CPNE2: variants seen among roughly 807,000 people sequenced by gnomAD.
The protein encoded by CPNE2 is copine 2.
A neutral mutation model predicts 69.7 loss-of-function variants in CPNE2; 42 were observed. The ratio of observed to expected loss-of-function variants is 0.60; its 90% confidence interval spans 0.47 to 0.78. CPNE2 has a LOEUF of 0.78. Ranked by LOEUF, CPNE2 falls within the 30% of genes least tolerant of loss-of-function variation. The probability of loss-of-function intolerance (pLI) is 0.00; values close to 1 mark genes in which losing one functional copy is unlikely to be tolerated. For synonymous variants in CPNE2, 294 were observed against 289.8 expected, an observed-to-expected ratio of 1.01 and a Z score of -0.15; for missense variants, 587 against 732.0, an observed-to-expected ratio of 0.80 and a Z score of 2.29.
At chr16:57,114,934 CAAAAAA>C (rs55845635) in intron 3 of CPNE2, among the ~76,000 whole-genome samples, 9 of 39,050 alleles carry the variant, frequency 2.3e-4, no homozygotes, top group East Asian at 2.1e-3. Flanking sequence ...TTGTCTCTAC[CAAAAAA>C]AAAAAAAAAA....
At chr16:57,139,059 G>C (rs169726) in intron 14 of CPNE2, among the ~76,000 whole-genome samples, 139,514 of 152,244 alleles carry the variant, frequency 0.92, 64,130 homozygotes, top group Middle Eastern at 0.98. Context: ...GTAATTCACA[G>C]AGAGCCGGTT....
intron 14 of CPNE2, among the ~76,000 whole-genome samples, chr16:57,139,392 C>T (rs2069905476): frequency 6.6e-6 from 1 of 152,114 alleles, no homozygotes; most frequent in Admixed American, 6.5e-5. Flanking sequence ...TAGTGACATC[C>T]CCAATTTGGG....
intron 12 of CPNE2, 131 bp from the exon 13 acceptor site, chr16:57,134,644 C>A: frequency 1.1e-6 from 1 of 913,614 alleles, no homozygotes; most frequent in South Asian, 1.4e-5. Flanking sequence ...GTATCAGTGG[C>A]CTAGAGGAGG....
In CPNE2 at chr16:57,117,476, C is replaced by T. The variant is rs745982960; in HGVS notation, c.436-20C>T. 1.7e-5 allele frequency: 28 copies of T among 1,610,346 alleles called. No individual in the cohort carries two copies. Among genetic ancestry groups the T allele is most frequent in the Middle Eastern group, 1.7e-4 (1 of 6,010 alleles). ...GAGGCTGGGGGAGTCTGAGGAGCCCCTCATGTCCCGGCCTTACAGATCGCT... is the reference window on the plus strand; with the variant it reads ...GAGGCTGGGGGAGTCTGAGGAGCCCTTCATGTCCCGGCCTTACAGATCGCT... On this transcript the variant is annotated intron_variant, in intron 4 of 15. Coordinates refer to ENST00000290776, the MANE Select transcript of CPNE2 (RefSeq NM_152727.6).
intron 12 of CPNE2, among the ~76,000 whole-genome samples, chr16:57,129,581 G>A (rs1442112955): frequency 1.3e-5 from 2 of 152,326 alleles, no homozygotes; most frequent in South Asian, 2.1e-4. Context: ...ACTTTGGGAC[G>A]CTGAGGCAGA....
intron 14 of CPNE2, among the ~76,000 whole-genome samples, chr16:57,145,416 CTG>C (rs774098592): frequency 5.3e-5 from 8 of 152,232 alleles, no homozygotes; most frequent in African/African-American, 9.6e-5. Flanking sequence ...GTGCTCAGTG[CTG>C]TGTTTGGGAT....
chr16:57,113,124 A>T, intron 2 of CPNE2, 164 bp from the exon 3 acceptor site: 1 of 643,102 alleles, frequency 1.6e-6, no homozygotes, highest in Non-Finnish European at 2.7e-6. Context: ...TCTGTGCTTC[A>T]GTGTCCTTGT....
At chr16:57,135,020 C>T (rs554257609) in intron 13 of CPNE2, among the ~76,000 whole-genome samples, 194 bp downstream of exon 13, 2 of 152,270 alleles carry the variant, frequency 1.3e-5, no homozygotes, top group South Asian at 4.1e-4. Flanking sequence ...CAGCTGCTGC[C>T]CTTCCTAGCT....
At position 57,092,767 on chromosome 16, in the gene CPNE2, G is replaced by A. The variant is rs1454309830; in HGVS notation, c.-59G>A. ...GGGCAGCGGCAGCCGTGCGGTGAGG[G>A]CGGTGGCGCCCGCGGGACCTGCGGT... On this transcript the variant is annotated 5_prime_UTR_variant, in exon 1 of 16. Transcript: ENST00000290776. The surrounding 1 kb of genome is among the most constrained non-coding windows in gnomAD (Gnocchi z 5.3). 6.6e-6 allele frequency: 1 copy of A among 151,396 alleles called. No individual in the cohort carries two copies. The highest frequency in any genetic ancestry group is 2.4e-5 in the African/African-American group (1 of 41,294). The allele number at this position is 151,396 out of a possible 1,614,324, so 9.4% of individuals were successfully genotyped here.
chr16:57,130,438 T>C lies in CPNE2; in HGVS notation c.1116+2535T>C, dbSNP rs2069829457. On this transcript the variant is annotated intron_variant, in intron 12 of 15. Transcript: ENST00000290776. This position sits in a 1 kb window ranked among gnomAD's most constrained non-coding sequence, Gnocchi z 4.1. ...AGAGCCAGGCAGATGAAGCGGAGAC[T>C]GAGCCCGGGGGCAGAGCAGGGAGGA... 6.6e-6 allele frequency among the ~76,000 whole-genome samples: 1 copy of C among 151,882 alleles called. No homozygotes were observed. The highest frequency in any genetic ancestry group is 2.4e-5 in the African/African-American group (1 of 41,330).
At chr16:57,127,648 G>T (rs2069809843) in intron 11 of CPNE2, among the ~76,000 whole-genome samples, 1 of 152,158 alleles carries the variant, frequency 6.6e-6, no homozygotes, top group Non-Finnish European at 1.5e-5. Flanking sequence ...GTATAGATGT[G>T]GTCAGGCCAC....
chr16:57,122,185 A>G (rs1279548844), intron 9 of CPNE2, among the ~76,000 whole-genome samples: 6 of 152,226 alleles, frequency 3.9e-5, no homozygotes, highest in Non-Finnish European at 8.8e-5. Context: ...AGGCCCAGAA[A>G]GGCAATGAAG....
chr16:57,103,608 C>G (rs559463386), intron 1 of CPNE2, among the ~76,000 whole-genome samples: 60 of 152,334 alleles, frequency 3.9e-4, no homozygotes, highest in African/African-American at 1.4e-3. Flanking sequence ...GCTCTTCTCC[C>G]CTTCGGGGTT....
chr16:57,093,142 G>C (rs2069555043), intron 1 of CPNE2, among the ~76,000 whole-genome samples: 1 of 152,090 alleles, frequency 6.6e-6, no homozygotes, highest in South Asian at 2.1e-4. Flanking sequence ...CGCCGCTGCC[G>C]CAGCTGCTGA....
At chr16:57,116,862 C>T (rs1326340718) in intron 4 of CPNE2, among the ~76,000 whole-genome samples, 2 of 152,076 alleles carry the variant, frequency 1.3e-5, no homozygotes, top group East Asian at 1.9e-4. Context: ...GAGGCCCCAG[C>T]GAAAGGCCCC....
intron 4 of CPNE2, among the ~76,000 whole-genome samples, chr16:57,117,294 C>T (rs2069726379): frequency 6.6e-6 from 1 of 152,322 alleles, no homozygotes; most frequent in African/African-American, 2.4e-5. Flanking sequence ...GACTCCTCAT[C>T]TCCAGATGGG....
Position 57,147,910 on chromosome 16 carries a change from G to A in CPNE2, c.*252G>A, listed in dbSNP as rs186968249. 2.7e-6 allele frequency: 1 copy of A among 373,934 alleles called. No homozygotes were observed. Among genetic ancestry groups the A allele is most frequent in the Admixed American group, 4.5e-5 (1 of 22,134 alleles). The allele number at this position is 373,934 out of a possible 1,614,324, so 23.2% of individuals were successfully genotyped here. On this transcript the variant is annotated 3_prime_UTR_variant, in exon 16 of 16. Transcript: ENST00000290776. Reference sequence around the variant, plus strand: ...CCTTTGCCATTCTTAAGTATTGAATGTACTTTGTATAATTTTAGTGGAATT... The same window carrying A: ...CCTTTGCCATTCTTAAGTATTGAATATACTTTGTATAATTTTAGTGGAATT...
At chr16:57,123,679 A>G (rs2069779586) in intron 10 of CPNE2, 4 of 599,316 alleles carry the variant, frequency 6.7e-6, no homozygotes, top group South Asian at 2.0e-5. Flanking sequence ...GCTTAACTAC[A>G]GGTCAGAGCA....
intron 1 of CPNE2, among the ~76,000 whole-genome samples, chr16:57,096,006 G>T (rs1189067805): frequency 6.6e-6 from 1 of 152,250 alleles, no homozygotes; most frequent in Non-Finnish European, 1.5e-5. Context: ...CTTGTTTAGG[G>T]CCATGTCCCA....
Sources: allele counts gnomAD v4.1 joint callset (sites outside exome capture counted in the v4.1 genomes callset), GRCh38; gene constraint gnomAD v4.1.1; non-coding constraint Gnocchi (gnomAD v3.1); transcripts MANE v1.5; gene names NCBI Gene and HGNC (gene_info 2026-07-23, HGNC 2026-07-21).